Variants in LDHAL6A observed in about 807,000 individuals in gnomAD.
LDHAL6A encodes lactate dehydrogenase A like 6A.
A neutral mutation model predicts 28.2 loss-of-function variants in LDHAL6A; 19 were observed. That is an observed-to-expected ratio of 0.67 (90% confidence interval 0.47 to 0.99). The LOEUF is 0.99. Ranked by LOEUF, LDHAL6A falls within the 50% of genes least tolerant of loss-of-function variation. LDHAL6A has a pLI of 0.00. For missense variants in LDHAL6A, 372 were observed against 398.6 expected (o/e 0.93, Z 0.57); for synonymous variants, 144 against 134.4 (o/e 1.07, Z -0.49).
At chr11:18,464,987 G>GTTTT (rs1449560278) in intron 2 of LDHAL6A, among the ~76,000 whole-genome samples, 10 of 104,380 alleles carry the variant, frequency 9.6e-5, no homozygotes, top group Non-Finnish European at 1.4e-4. Context: ...GTTTTTTTTT[G>GTTTT]TTTTGTTTTG....
At chr11:18,475,337 G>T in intron 3 of LDHAL6A, 129 bp from the exon 4 acceptor site, 1 of 710,524 alleles carries the variant, frequency 1.4e-6, no homozygotes, top group Non-Finnish European at 2.4e-6. Context: ...TATAGCTGGG[G>T]TTGGATAGAG....
At chr11:18,465,430 T>G (rs1049759075) in intron 2 of LDHAL6A, among the ~76,000 whole-genome samples, 10 of 62,504 alleles carry the variant, frequency 1.6e-4, no homozygotes, top group Admixed American at 4.5e-4. Flanking sequence ...ACTTACGTTT[T>G]TTTTTTTTTT....
chr11:18,477,915 G>T (rs930637764), intron 6 of LDHAL6A, among the ~76,000 whole-genome samples, 172 bp downstream of exon 6: 12 of 152,122 alleles, frequency 7.9e-5, no homozygotes, highest in Admixed American at 5.2e-4. Context: ...TATCTTTGTA[G>T]ACCTTTGTCC....
chr11:18,471,542 T>C (rs1422895745), intron 3 of LDHAL6A, among the ~76,000 whole-genome samples: 1 of 152,046 alleles, frequency 6.6e-6, no homozygotes, highest in Non-Finnish European at 1.5e-5. Context: ...AAACACACTG[T>C]TGACATTATT....
At chr11:18,470,844 G>A (rs1308869766) in intron 3 of LDHAL6A, among the ~76,000 whole-genome samples, 2 of 151,772 alleles carry the variant, frequency 1.3e-5, no homozygotes, top group East Asian at 1.9e-4. Context: ...GCACTACCAC[G>A]CCCAGCTAAT....
chr11:18,470,301 C>A (rs1189498068), intron 3 of LDHAL6A, among the ~76,000 whole-genome samples: 1 of 152,216 alleles, frequency 6.6e-6, no homozygotes. Context: ...AGGGGTTTCT[C>A]AGGCGTAGGT....
At chr11:18,457,324 A>C (rs953333830) in intron 1 of LDHAL6A, among the ~76,000 whole-genome samples, 1 of 152,184 alleles carries the variant, frequency 6.6e-6, no homozygotes, top group Non-Finnish European at 1.5e-5. Flanking sequence ...TTATGGCTAT[A>C]GACAGAGGCC....
At chr11:18,474,493 T>C (rs1849324171) in intron 3 of LDHAL6A, among the ~76,000 whole-genome samples, 1 of 151,548 alleles carries the variant, frequency 6.6e-6, no homozygotes, top group African/African-American at 2.4e-5. Flanking sequence ...TTCAAGCAAT[T>C]CTCCTGCCTC....
intron 2 of LDHAL6A, among the ~76,000 whole-genome samples, chr11:18,464,992 G>GTTTTTTTTTTTTT (rs1212053975): frequency 8.3e-6 from 1 of 119,822 alleles, no homozygotes; most frequent in African/African-American, 3.5e-5. Context: ...TTTTTGTTTT[G>GTTTTTTTTTTTTT]TTTTGTTTTG....
chr11:18,457,213 C>T (rs1330295644), intron 1 of LDHAL6A, among the ~76,000 whole-genome samples: 1 of 152,118 alleles, frequency 6.6e-6, no homozygotes, highest in Non-Finnish European at 1.5e-5. Context: ...ATCTCTCTCC[C>T]ATTTCCTAGT....
At chr11:18,475,860 T>C in intron 4 of LDHAL6A, 1 of 463,878 alleles carries the variant, frequency 2.2e-6, no homozygotes, top group South Asian at 4.2e-5. Flanking sequence ...TATGGATGGC[T>C]AGGATTATAA....
At chr11:18,471,784 T>G (rs1487853801) in intron 3 of LDHAL6A, among the ~76,000 whole-genome samples, 2 of 138,348 alleles carry the variant, frequency 1.4e-5, no homozygotes, top group East Asian at 2.3e-4. Flanking sequence ...AAAAAAAAAT[T>G]TTTTCCAAAA....
chr11:18,468,634 C>G (rs1758175828), intron 3 of LDHAL6A: 1 of 152,216 alleles, frequency 6.6e-6, no homozygotes, highest in South Asian at 2.1e-4. Flanking sequence ...GCCACTGCAC[C>G]CGGCTTGGAT....
chr11:18,477,843 G>A (rs1849428560), intron 6 of LDHAL6A, 100 bp downstream of exon 6: 2 of 1,077,996 alleles, frequency 1.9e-6, no homozygotes, highest in Admixed American at 5.5e-5. Flanking sequence ...CTCGTGGGAA[G>A]CACCTCTCTT....
At chr11:18,467,702 A>C (rs1193876570) in intron 3 of LDHAL6A, among the ~76,000 whole-genome samples, 1 of 151,002 alleles carries the variant, frequency 6.6e-6, no homozygotes, top group Non-Finnish European at 1.5e-5. Context: ...TACTAAAAAT[A>C]CAAAAATTAG....
chr11:18,462,863 AC>A (rs1565067511), intron 1 of LDHAL6A, among the ~76,000 whole-genome samples: 1 of 151,752 alleles, frequency 6.6e-6, no homozygotes, highest in Admixed American at 6.6e-5. Flanking sequence ...AAACAAAAAA[AC>A]ATACATGGAG....
chr11:18,458,216 G>A (rs1406135566), intron 1 of LDHAL6A, among the ~76,000 whole-genome samples: 4 of 152,142 alleles, frequency 2.6e-5, no homozygotes, highest in Non-Finnish European at 5.9e-5. Flanking sequence ...TATCCATGAT[G>A]GGAGGTCCTA....
At chr11:18,459,833 G>A (rs1848850937) in intron 1 of LDHAL6A, among the ~76,000 whole-genome samples, 1 of 152,120 alleles carries the variant, frequency 6.6e-6, no homozygotes, top group African/African-American at 2.4e-5. Context: ...TGTTTTTGAT[G>A]ACTGAGCATT....
intron 3 of LDHAL6A, among the ~76,000 whole-genome samples, chr11:18,472,101 T>TA (rs1177759968): frequency 1.3e-5 from 2 of 152,186 alleles, no homozygotes; most frequent in Non-Finnish European, 2.9e-5. Context: ...ACAGCTGAGT[T>TA]ACTTGCTCTG....
Sources: gnomAD v4.1 joint callset for allele counts (sites outside exome capture counted in the v4.1 genomes callset) on GRCh38, gnomAD v4.1.1 for gene constraint, MANE v1.5 for transcripts, NCBI Gene and HGNC (gene_info 2026-07-23, HGNC 2026-07-21) for gene names.